Variants in GNA12 observed in about 807,000 individuals in gnomAD.
GNA12 encodes the protein guanine nucleotide-binding protein subunit alpha-12.
In GNA12, 9 loss-of-function variants were observed where a neutral mutation model predicts 26.0. That is an observed-to-expected ratio of 0.35 (90% CI 0.21 to 0.60). The LOEUF is 0.60. Among genes scored for constraint, GNA12 ranks in the 20% least tolerant of loss-of-function variants. GNA12 has a pLI of 0.78. For synonymous variants in GNA12, 264 were observed against 219.6 expected, an observed-to-expected ratio of 1.20 and a Z score of -1.79; for missense variants, 405 against 525.8, an observed-to-expected ratio of 0.77 and a Z score of 2.25.
intron 2 of GNA12, among the ~76,000 whole-genome samples, chr7:2,741,764 G>A (rs563289947): frequency 6.6e-6 from 1 of 151,670 alleles, no homozygotes; most frequent in Non-Finnish European, 1.5e-5. Context: ...CAGAGGGTAT[G>A]TCCTAAGAAT....
At chr7:2,806,672 T>A (rs561237891) in intron 1 of GNA12, among the ~76,000 whole-genome samples, 1 of 152,222 alleles carries the variant, frequency 6.6e-6, no homozygotes, top group Non-Finnish European at 1.5e-5. Flanking sequence ...TGTAACACTT[T>A]AAAATTTTTC....
chr7:2,779,789 G>A (rs1011156853), intron 2 of GNA12, among the ~76,000 whole-genome samples: 1 of 151,600 alleles, frequency 6.6e-6, no homozygotes, highest in Non-Finnish European at 1.5e-5. Flanking sequence ...GTAGAGATGG[G>A]GTTCTGCTGT....
Position 2,732,082 on chromosome 7 carries a change from A to AT in GNA12, c.577-333dup, listed in dbSNP as rs141698286. 9.8e-3 allele frequency among the ~76,000 whole-genome samples: 1,485 copies of AT among 152,162 alleles called. 18 individuals carry two copies. Among genetic ancestry groups the AT allele is most frequent in the African/African-American group, 0.034 (1,393 of 41,490 alleles). ...GTTTCCATACCAGAGATACCTTTTT[A>AT]TTTTTCTAACTCCTAAAGCTTATAG... On this transcript the variant is annotated intron_variant, in intron 3 of 3. Transcript: ENST00000275364.
chr7:2,763,226 A>T, intron 2 of GNA12: 1 of 417,050 alleles, frequency 2.4e-6, no homozygotes, highest in Non-Finnish European at 3.4e-6. Flanking sequence ...ACACACACAC[A>T]CACACGGTCT....
chr7:2,820,969 G>C (rs114411458), intron 1 of GNA12, among the ~76,000 whole-genome samples: 1,571 of 152,330 alleles, frequency 0.01, 25 homozygotes, highest in African/African-American at 0.036. Flanking sequence ...TTGAACTGCT[G>C]ACTTCAAGAA....
intron 2 of GNA12, among the ~76,000 whole-genome samples, chr7:2,744,562 A>T (rs1371723503): frequency 6.6e-6 from 1 of 152,232 alleles, no homozygotes; most frequent in Non-Finnish European, 1.5e-5. Context: ...GACCACAAAG[A>T]TGGGGAAAAA....
At chr7:2,803,939 TC>T (rs1695309015) in intron 1 of GNA12, among the ~76,000 whole-genome samples, 2 of 152,044 alleles carry the variant, frequency 1.3e-5, no homozygotes, top group South Asian at 2.1e-4. Context: ...TGGAATCATC[TC>T]CCCAACCCCC....
At chr7:2,797,433 C>T (rs1301347863) in intron 1 of GNA12, among the ~76,000 whole-genome samples, 3 of 151,918 alleles carry the variant, frequency 2.0e-5, no homozygotes, top group Non-Finnish European at 4.4e-5. Context: ...GTGTGAGCCA[C>T]TGCATCCGGC....
chr7:2,735,110 C>T, intron 2 of GNA12, among the ~76,000 whole-genome samples: 1 of 98,034 alleles, frequency 1.0e-5, no homozygotes, highest in Non-Finnish European at 2.5e-5. Flanking sequence ...GTTGGGTGCA[C>T]TCACTCCCTG....
intron 2 of GNA12, among the ~76,000 whole-genome samples, chr7:2,759,188 T>TA (rs1554257558): frequency 6.9e-6 from 1 of 144,520 alleles, no homozygotes; most frequent in African/African-American, 2.6e-5. Context: ...AATAAATAAA[T>TA]AAAATAAAAA....
intron 2 of GNA12, among the ~76,000 whole-genome samples, chr7:2,766,956 T>C (rs1047272648): frequency 6.6e-6 from 1 of 152,228 alleles, no homozygotes; most frequent in South Asian, 2.1e-4. Context: ...AGTATCTCAT[T>C]GTGATTTTGA....
At chr7:2,806,785 C>G (rs930375378) in intron 1 of GNA12, among the ~76,000 whole-genome samples, 7 of 152,164 alleles carry the variant, frequency 4.6e-5, no homozygotes, top group Admixed American at 6.5e-5. Context: ...TTGAGGTAAT[C>G]CCTATGGCTG....
intron 2 of GNA12, among the ~76,000 whole-genome samples, chr7:2,760,176 G>C (rs1791490855): frequency 6.6e-6 from 1 of 152,220 alleles, no homozygotes; most frequent in Non-Finnish European, 1.5e-5. Flanking sequence ...GCCCGCCTCT[G>C]CCTGGGGAAG....
intron 1 of GNA12, chr7:2,814,485 T>C (rs1793167423): frequency 1.2e-6 from 1 of 823,680 alleles, no homozygotes; most frequent in Non-Finnish European, 2.1e-6. Flanking sequence ...AGCTCACAAA[T>C]AAAATCAAAG....
At chr7:2,783,649 C>CATACATTT (rs1554259965) in intron 2 of GNA12, among the ~76,000 whole-genome samples, 1 of 138,630 alleles carries the variant, frequency 7.2e-6, no homozygotes, top group Admixed American at 7.2e-5. Flanking sequence ...GGCTGTAACA[C>CATACATTT]ATTTATTTAT....
At chr7:2,786,425 C>T (rs772160989) in intron 2 of GNA12, among the ~76,000 whole-genome samples, 1 of 152,062 alleles carries the variant, frequency 6.6e-6, no homozygotes, top group Non-Finnish European at 1.5e-5. Context: ...CAAAGAATGT[C>T]AATAGCCAAC....
intron 1 of GNA12, among the ~76,000 whole-genome samples, chr7:2,832,913 C>G (rs1377637774): frequency 6.6e-6 from 1 of 152,146 alleles, no homozygotes; most frequent in East Asian, 1.9e-4. Context: ...GCAGACGTTC[C>G]AAATGCATTT....
At chr7:2,793,176 T>C (rs1240828727) in intron 2 of GNA12, among the ~76,000 whole-genome samples, 1 of 152,100 alleles carries the variant, frequency 6.6e-6, no homozygotes, top group Non-Finnish European at 1.5e-5. Context: ...GTCAAGGTCA[T>C]GAAAGGCAAG....
intron 1 of GNA12, among the ~76,000 whole-genome samples, chr7:2,837,654 C>T (rs2114980135): frequency 6.6e-6 from 1 of 152,178 alleles, no homozygotes; most frequent in East Asian, 1.9e-4. Flanking sequence ...TCTTCTGAAA[C>T]AATGTGAAGG....
Sources: gnomAD v4.1 joint callset for allele counts (sites outside exome capture counted in the v4.1 genomes callset) on GRCh38, gnomAD v4.1.1 for gene constraint, MANE v1.5 for transcripts, NCBI Gene and HGNC (gene_info 2026-07-23, HGNC 2026-07-21) for gene names.